Variants in CA5A observed in about 807,000 individuals in gnomAD.
CA5A encodes carbonic anhydrase 5A.
Under a neutral mutation model 37.1 loss-of-function variants are expected in CA5A, and 28 were observed. The observed-to-expected ratio is 0.75, with a 90% CI of 0.56 to 1.03. CA5A has a LOEUF of 1.03. Ranked by LOEUF, CA5A falls within the 50% of genes least tolerant of loss-of-function variation. The probability of loss-of-function intolerance (pLI) is 0.00; values close to 1 mark genes in which losing one functional copy is unlikely to be tolerated. For synonymous variants in CA5A, 171 were observed against 158.4 expected (o/e 1.08, Z -0.60); for missense variants, 444 against 399.9 (o/e 1.11, Z -0.94).
chr16:87,903,117 T>C (rs774070648), intron 3 of CA5A, among the ~76,000 whole-genome samples: 15 of 151,924 alleles, frequency 9.9e-5, no homozygotes, highest in Non-Finnish European at 2.2e-4. Flanking sequence ...CTAGTTATCC[T>C]TGGACAAGAA....
intron 2 of CA5A, among the ~76,000 whole-genome samples, chr16:87,918,879 C>A (rs3885672): frequency 6.6e-6 from 1 of 152,010 alleles, no homozygotes; most frequent in South Asian, 2.1e-4. Context: ...GACCGAGAAC[C>A]TGGAAAAATG....
In CA5A at chr16:87,911,990, G is replaced by A. The variant is rs928336214; in HGVS notation, c.341-7086C>T. On this transcript the variant is annotated intron_variant, in intron 2 of 6. Transcript: ENST00000649794. The surrounding 1 kb of genome is among the most constrained non-coding windows in gnomAD (Gnocchi z 4.6). ...GCCACTTACTATTATTATGACTGGT[G>A]TTATTGTTATTATTAAAATTACTGT... is the stretch of plus-strand genomic sequence containing the variant. Among the ~76,000 whole-genome samples the A allele has an allele frequency of 6.6e-6, 1 of 152,102 alleles. No homozygotes were observed. The highest frequency in any genetic ancestry group is 1.5e-5 in the Non-Finnish European group (1 of 68,026).
chr16:87,913,143 T>C (rs933791583), intron 2 of CA5A, among the ~76,000 whole-genome samples: 5 of 151,938 alleles, frequency 3.3e-5, no homozygotes, highest in Non-Finnish European at 4.4e-5. Flanking sequence ...CACAACTGGC[T>C]AATTTTTGTA....
chr16:87,918,058 T>C (rs2056179316), intron 2 of CA5A, among the ~76,000 whole-genome samples: 1 of 152,248 alleles, frequency 6.6e-6, no homozygotes, highest in Non-Finnish European at 1.5e-5. Flanking sequence ...GAGCTGCCGA[T>C]TTGTGCCCCA....
At position 87,928,743 on chromosome 16, in the gene CA5A, A is replaced by T. The variant is rs1253102024; in HGVS notation, c.143-1798T>A. 2.1e-4 allele frequency among the ~76,000 whole-genome samples: 17 copies of T among 81,282 alleles called. 2 individuals are homozygous for T. Among genetic ancestry groups the T allele is most frequent in the South Asian group, 4.6e-4 (1 of 2,178 alleles). 53.3% of individuals were successfully genotyped at this position (81,282 alleles called of 152,430 possible). A position where few individuals can be genotyped will look rare whatever the true frequency, so the allele number is the denominator to read the frequency against. On this transcript the variant is annotated intron_variant, in intron 1 of 6. Coordinates refer to ENST00000649794, the MANE Select transcript of CA5A (RefSeq NM_001739.2). ...GTTCTTTCTCTGTATTCTCATCTGG[A>T]TTATTTTCTTTTCTTTGTTTTTTTT... is the stretch of plus-strand genomic sequence containing the variant.
At chr16:87,896,929 GCT>G (rs2055810828) in intron 5 of CA5A, among the ~76,000 whole-genome samples, 1 of 152,176 alleles carries the variant, frequency 6.6e-6, no homozygotes, top group Non-Finnish European at 1.5e-5. Flanking sequence ...CGTGAGCCAC[GCT>G]CTGTTCCTGG....
At chr16:87,899,667 C>T (rs1202426712) in intron 5 of CA5A, among the ~76,000 whole-genome samples, 1 of 149,776 alleles carries the variant, frequency 6.7e-6, no homozygotes, top group Non-Finnish European at 1.5e-5. Context: ...CGCCGGTAAT[C>T]CCAGCAATTT....
chr16:87,888,055 C>G lies in CA5A; in HGVS notation c.*74G>C, dbSNP rs1183616898. ...TTTAATTTCAGAAGTCATGTACAAT[C>G]ACATTGTGAAACTTGGGAAACAACG... is the stretch of plus-strand genomic sequence containing the variant. On this transcript the variant is annotated 3_prime_UTR_variant, in exon 7 of 7. Coordinates refer to ENST00000649794, the MANE Select transcript of CA5A (RefSeq NM_001739.2). 6 of 1,516,236 alleles carry G rather than the reference C, an allele frequency of 4.0e-6. No individual in the cohort carries two copies. The highest frequency in any genetic ancestry group is 5.3e-6 in the Non-Finnish European group (6 of 1,128,620). The allele number at this position is 1,516,236 out of a possible 1,614,324, so 93.9% of individuals were successfully genotyped here.
At chr16:87,890,165 A>G (rs1342421045) in intron 6 of CA5A, among the ~76,000 whole-genome samples, 1 of 152,198 alleles carries the variant, frequency 6.6e-6, no homozygotes, top group Non-Finnish European at 1.5e-5. Flanking sequence ...ACCCTGGCTT[A>G]ATACTATTGG....
At chr16:87,895,989 C>T (rs896782118) in intron 5 of CA5A, among the ~76,000 whole-genome samples, 6 of 151,962 alleles carry the variant, frequency 3.9e-5, no homozygotes, top group South Asian at 2.1e-4. Context: ...GTCTGGTGCA[C>T]GTGGGTAACA....
rs184463300 is a variant in CA5A at position 87,902,940 on chromosome 16, T to G, written c.460-420A>C. Among the ~76,000 whole-genome samples the G allele has an allele frequency of 3.9e-3, 580 of 149,596 alleles. 5 individuals are homozygous for G. The highest frequency in any genetic ancestry group is 0.014 in the African/African-American group (551 of 40,794). On this transcript the variant is annotated intron_variant, in intron 3 of 6. Coordinates refer to ENST00000649794, the MANE Select transcript of CA5A (RefSeq NM_001739.2). ...AAAAAAAAAAAAAAGAACTAAGTTG[T>G]TGCAGCCAGATGAGTAAGATCCCAG... is the stretch of plus-strand genomic sequence containing the variant.
At position 87,936,434 on chromosome 16, in the gene CA5A, G is replaced by A; in HGVS notation, c.17C>T (p.Thr6Ile). 1.2e-6 allele frequency: 2 copies of A among 1,613,992 alleles called. No individual in the cohort carries two copies. Among genetic ancestry groups the A allele is most frequent in the Non-Finnish European group, 1.7e-6 (2 of 1,179,930 alleles). ...GAAGGAGAAAGCTGAGGTCTTCCAA[G>A]TGTTCCTCCCCAACATCTTGGGTCT... Reference protein sequence around the residue: MLGRNTWKTSAFSFLV... With the variant: MLGRNIWKTSAFSFLV... The change falls in exon 1 of 7, where the codon ACT becomes ATT. Residue 6 changes from threonine to isoleucine, a missense_variant. Coordinates refer to ENST00000649794, the MANE Select transcript of CA5A (RefSeq NM_001739.2).
intron 2 of CA5A, 120 bp from the exon 3 acceptor site, chr16:87,905,024 G>T: frequency 1.4e-6 from 1 of 715,456 alleles, no homozygotes; most frequent in South Asian, 1.6e-5. Context: ...TTGCTGTATG[G>T]TTGAAGTGAC....
intron 1 of CA5A, among the ~76,000 whole-genome samples, chr16:87,927,676 C>T (rs1240433762): frequency 6.6e-6 from 1 of 152,064 alleles, no homozygotes; most frequent in Non-Finnish European, 1.5e-5. Flanking sequence ...GCCTGACCAA[C>T]ATGGCAAAAC....
downstream of CA5A, chr16:87,886,764 G>A (rs1228500933): frequency 1.3e-5 from 2 of 152,172 alleles, no homozygotes; most frequent in Non-Finnish European, 2.9e-5. Flanking sequence ...ATTCACAGAA[G>A]AGCCCATCCA....
At chr16:87,881,570 A>G (rs1038762832) in exon 5 of CA5A, 4 of 152,412 alleles carry the variant, frequency 2.6e-5, no homozygotes, top group African/African-American at 9.7e-5. Flanking sequence ...GCGTATCTTT[A>G]TTAAACAAGA....
At chr16:87,896,465 T>C (rs1368800672) in intron 5 of CA5A, among the ~76,000 whole-genome samples, 1 of 152,196 alleles carries the variant, frequency 6.6e-6, no homozygotes, top group African/African-American at 2.4e-5. Context: ...ATCAGGGCCC[T>C]TCCTTTATGC....
At chr16:87,925,096 T>C (rs534201560) in intron 2 of CA5A, among the ~76,000 whole-genome samples, 4 of 151,912 alleles carry the variant, frequency 2.6e-5, no homozygotes, top group East Asian at 1.9e-4. Flanking sequence ...GGAGCAACAG[T>C]GAGTGAGCAA....
chr16:87,908,297 C>G (rs958581056), intron 2 of CA5A, among the ~76,000 whole-genome samples: 1 of 152,186 alleles, frequency 6.6e-6, no homozygotes, highest in Non-Finnish European at 1.5e-5. Context: ...GCCTCTCTAC[C>G]TGTTAAATGA....
Sources: gnomAD v4.1 joint callset for allele counts (sites outside exome capture counted in the v4.1 genomes callset) on GRCh38, gnomAD v4.1.1 for gene constraint, Gnocchi (gnomAD v3.1) non-coding constraint, MANE v1.5 for transcripts, NCBI Gene and HGNC (gene_info 2026-07-23, HGNC 2026-07-21) for gene names.